ASS1: variants seen among roughly 807,000 people sequenced by gnomAD.
ASS1 encodes argininosuccinate synthase 1, also known as argininosuccinate synthase.
ASS1 carries 58 observed loss-of-function variants against 60.5 expected under a neutral mutation model. The observed-to-expected ratio is 0.96, with a 90% CI of 0.78 to 1.19. The LOEUF (loss-of-function observed/expected upper bound fraction) is 1.19, where lower values mean the gene tolerates loss of function less well. Among genes scored for constraint, ASS1 ranks in the 50% most tolerant of loss-of-function variants. ASS1 has a pLI of 0.00. For synonymous variants in ASS1, 200 were observed against 206.9 expected, an observed-to-expected ratio of 0.97 and a Z score of 0.29; for missense variants, 454 against 547.3, an observed-to-expected ratio of 0.83 and a Z score of 1.70.
chr9:130,483,069 T>C (rs1257468177), intron 11 of ASS1, among the ~76,000 whole-genome samples: 1 of 152,174 alleles, frequency 6.6e-6, no homozygotes, highest in African/African-American at 2.4e-5. Context: ...ACAAAGTTGC[T>C]AGGTAATTTT....
chr9:130,490,796 T>C (rs368857609), intron 12 of ASS1, among the ~76,000 whole-genome samples: 6 of 152,268 alleles, frequency 3.9e-5, no homozygotes, highest in Middle Eastern at 3.4e-3. Context: ...AGAGAGACCA[T>C]AGGACCCAAA....
At position 130,452,246 on chromosome 9, in the gene ASS1, C is replaced by T. The variant is rs555717331; in HGVS notation, c.18C>T (p.Ser6=). The change falls in exon 2 of 15, where the codon TCC becomes TCT. Residue 6 remains serine, a synonymous_variant. Coordinates refer to ENST00000352480, the MANE Select transcript of ASS1 (RefSeq NM_054012.4). ...CAGACGCTATGTCCAGCAAAGGCTC[C>T]GTGGTTCTGGCCTACAGTGGCGGCC... is the stretch of plus-strand genomic sequence containing the variant. MSSKG[S]VVLAYSGGLD... The T allele has an allele frequency of 4.2e-5, 67 of 1,614,214 alleles. No individual in the cohort carries two copies. The highest frequency in any genetic ancestry group is 3.3e-4 in the Admixed American group (20 of 60,032).
chr9:130,468,931 G>A (rs1042534018), intron 6 of ASS1, among the ~76,000 whole-genome samples: 5 of 152,328 alleles, frequency 3.3e-5, no homozygotes, highest in South Asian at 2.1e-4. Context: ...CCTCGGGACC[G>A]AGAGAGGCTG....
upstream of ASS1, chr9:130,444,817 G>C (rs1845157443): frequency 6.6e-6 from 1 of 152,180 alleles, no homozygotes; most frequent in African/African-American, 2.4e-5. The surrounding 1 kb of genome is among the most constrained non-coding windows in gnomAD (Gnocchi z 4.7). Context: ...CCCATCTGCA[G>C]GTGGCTGTGA....
intron 14 of ASS1, among the ~76,000 whole-genome samples, chr9:130,500,132 C>T (rs889990270): frequency 3.3e-5 from 5 of 152,116 alleles, no homozygotes; most frequent in Non-Finnish European, 7.4e-5. Context: ...ATCAAGCATG[C>T]GGCTCAGGCT....
Position 130,477,157 on chromosome 9 carries a change from G to A in ASS1, c.688+196G>A, listed in dbSNP as rs971951865. On this transcript the variant is annotated intron_variant, in intron 9 of 14. Transcript: ENST00000352480. This position sits in a 1 kb window ranked among gnomAD's most constrained non-coding sequence, Gnocchi z 4.2. ...AACCCATGGACCATGGATGCCTCTAGGCTTGGGAGGAACATGCCCTCGGCT... is the reference window on the plus strand; with the variant it reads ...AACCCATGGACCATGGATGCCTCTAAGCTTGGGAGGAACATGCCCTCGGCT... 6.6e-6 allele frequency among the ~76,000 whole-genome samples: 1 copy of A among 152,182 alleles called. No individual in the cohort carries two copies. The highest frequency in any genetic ancestry group is 1.5e-5 in the Non-Finnish European group (1 of 68,028).
chr9:130,492,795 G>C (rs773796925), intron 12 of ASS1, among the ~76,000 whole-genome samples: 1 of 152,224 alleles, frequency 6.6e-6, no homozygotes, highest in African/African-American at 2.4e-5. Flanking sequence ...TCCCTCTCCA[G>C]CTCAGCCCTA....
At chr9:130,457,655 A>C (rs1357105663) in intron 3 of ASS1, among the ~76,000 whole-genome samples, 1 of 151,996 alleles carries the variant, frequency 6.6e-6, no homozygotes, top group Non-Finnish European at 1.5e-5. Context: ...TTTACCCACT[A>C]GATGCCAGAA....
intron 1 of ASS1, chr9:130,445,215 G>A (rs1845166502): frequency 1.0e-6 from 1 of 985,126 alleles, no homozygotes; most frequent in African/African-American, 1.7e-5. Context: ...GGAGCGTGGG[G>A]GACGCGGCGG....
At chr9:130,456,955 C>G (rs1019671450) in intron 3 of ASS1, among the ~76,000 whole-genome samples, 1 of 151,828 alleles carries the variant, frequency 6.6e-6, no homozygotes, top group Admixed American at 6.6e-5. Flanking sequence ...CCTTAGAGAG[C>G]TTTTGTGGAT....
chr9:130,460,271 C>T (rs928611825), intron 4 of ASS1, among the ~76,000 whole-genome samples: 2 of 152,194 alleles, frequency 1.3e-5, no homozygotes, highest in African/African-American at 4.8e-5. Context: ...AGCCACCCAC[C>T]AGGATGGCAC....
chr9:130,446,702 C>G (rs537029100), intron 1 of ASS1, among the ~76,000 whole-genome samples: 1 of 152,158 alleles, frequency 6.6e-6, no homozygotes, highest in African/African-American at 2.4e-5. Flanking sequence ...GCTGCACAAG[C>G]GCTTCCCCCT....
chr9:130,477,073 A>C lies in ASS1; in HGVS notation c.688+112A>C, dbSNP rs1846041107. 8.6e-7 allele frequency: 1 copy of C among 1,162,608 alleles called. No homozygotes were observed. The highest frequency in any genetic ancestry group is 1.3e-6 in the Non-Finnish European group (1 of 789,906). The allele number at this position is 1,162,608 out of a possible 1,614,324, so 72.0% of individuals were successfully genotyped here. On this transcript the variant is annotated intron_variant, in intron 9 of 14. Coordinates refer to ENST00000352480, the MANE Select transcript of ASS1 (RefSeq NM_054012.4). This position sits in a 1 kb window ranked among gnomAD's most constrained non-coding sequence, Gnocchi z 4.2. The stretch of plus-strand genomic sequence containing the variant: ...CTTTACCCCCGCCCTGCATTCCTGG[A>C]AGCTAGAGTTCAGGCAGGGGCTTCA...
chr9:130,479,730 G>A lies in ASS1; in HGVS notation c.703G>A (p.Val235Met). ...TCCCACCCTAGGGGTCCCTGTGAAG[G>A]TGACCAACGTCAAGGATGGCACCAC... ...IEFKKGVPVK[V>M]TNVKDGTTHQ... The change falls in exon 10 of 15, where the codon GTG becomes ATG. Residue 235 changes from valine to methionine, a missense_variant. Coordinates refer to ENST00000352480, the MANE Select transcript of ASS1 (RefSeq NM_054012.4). 2.5e-6 allele frequency: 4 copies of A among 1,614,132 alleles called. No individual in the cohort carries two copies. Among genetic ancestry groups the A allele is most frequent in the Non-Finnish European group, 3.4e-6 (4 of 1,179,974 alleles).
chr9:130,471,807 A>C (rs980488068), intron 8 of ASS1, among the ~76,000 whole-genome samples: 1 of 152,210 alleles, frequency 6.6e-6, no homozygotes, highest in African/African-American at 2.4e-5. Flanking sequence ...TGATTGTGAG[A>C]CAATAAAGAA....
chr9:130,483,523 G>A (rs1846220452), intron 11 of ASS1, among the ~76,000 whole-genome samples: 1 of 151,108 alleles, frequency 6.6e-6, no homozygotes, highest in East Asian at 2.0e-4. Flanking sequence ...TAACTCTGGA[G>A]GGGGGCTAAT....
intron 3 of ASS1, among the ~76,000 whole-genome samples, chr9:130,455,102 C>T (rs924228199): frequency 6.6e-6 from 1 of 151,048 alleles, no homozygotes; most frequent in African/African-American, 2.4e-5. Flanking sequence ...AGCCATCATC[C>T]GTCTATCCAT....
chr9:130,484,437 G>T (rs1007826273), intron 11 of ASS1, among the ~76,000 whole-genome samples: 1 of 151,106 alleles, frequency 6.6e-6, no homozygotes, highest in Admixed American at 6.6e-5. Context: ...ATCCTTGCCC[G>T]TCTCCCCACT....
intron 11 of ASS1, among the ~76,000 whole-genome samples, chr9:130,485,806 T>C (rs1465603819): frequency 6.6e-6 from 1 of 152,226 alleles, no homozygotes; most frequent in Non-Finnish European, 1.5e-5. Flanking sequence ...GCTTTATTTC[T>C]GGTAATAAGG....
Sources: gnomAD v4.1 joint callset for allele counts (sites outside exome capture counted in the v4.1 genomes callset) on GRCh38, gnomAD v4.1.1 for gene constraint, Gnocchi (gnomAD v3.1) non-coding constraint, MANE v1.5 for transcripts, NCBI Gene and HGNC (gene_info 2026-07-23, HGNC 2026-07-21) for gene names.